Variants in SLC4A4 observed in about 807,000 individuals in gnomAD.
The protein encoded by SLC4A4 is electrogenic sodium bicarbonate cotransporter 1.
In SLC4A4, 27 loss-of-function variants were observed where a neutral mutation model predicts 111.5. The observed-to-expected ratio is 0.24, with a 90% CI of 0.18 to 0.33. SLC4A4 has a LOEUF of 0.33. Among genes scored for constraint, SLC4A4 ranks in the 10% least tolerant of loss-of-function variants. The pLI, the probability that SLC4A4 is intolerant of heterozygous loss-of-function variation, is 1.00. For synonymous variants in SLC4A4, 443 were observed against 463.4 expected, an observed-to-expected ratio of 0.96 and a Z score of 0.57; for missense variants, 909 against 1,315.5, an observed-to-expected ratio of 0.69 and a Z score of 4.78.
At chr4:71,304,192 G>A (rs140479253) in intron 3 of SLC4A4, among the ~76,000 whole-genome samples, 24 of 152,238 alleles carry the variant, frequency 1.6e-4, no homozygotes, top group South Asian at 1.0e-3. Flanking sequence ...ATACATGTGC[G>A]TATATATATT....
chr4:71,419,718 A>G (rs36179360), intron 7 of SLC4A4, among the ~76,000 whole-genome samples: 30,025 of 152,114 alleles, frequency 0.2, 3,311 homozygotes, highest in South Asian at 0.42. Context: ...TGCACCCACT[A>G]TCTGGCACTC....
At chr4:71,315,455 G>A (rs1726605945) in intron 3 of SLC4A4, among the ~76,000 whole-genome samples, 1 of 152,144 alleles carries the variant, frequency 6.6e-6, no homozygotes, top group Admixed American at 6.6e-5. Flanking sequence ...ATGCAAAAGA[G>A]TTGGTCATAC....
intron 18 of SLC4A4, among the ~76,000 whole-genome samples, chr4:71,535,996 C>A (rs931344260): frequency 6.6e-6 from 1 of 152,114 alleles, no homozygotes. Flanking sequence ...TGGAAAATTA[C>A]ATTAAAATGA....
At chr4:71,355,987 GAGGACAAAAGGTC>G (rs1311533236) in intron 5 of SLC4A4, among the ~76,000 whole-genome samples, 6 of 152,216 alleles carry the variant, frequency 3.9e-5, no homozygotes, top group African/African-American at 1.4e-4. Context: ...ATTCTGTGCA[GAGGACAAAAGGTC>G]TACTTGCATA....
intron 15 of SLC4A4, among the ~76,000 whole-genome samples, chr4:71,490,499 T>G (rs1729802077): frequency 6.6e-6 from 1 of 151,770 alleles, no homozygotes; most frequent in Non-Finnish European, 1.5e-5. Flanking sequence ...GCTTTCTTTT[T>G]GGGGGATCTT....
chr4:71,339,530 G>C, intron 4 of SLC4A4, 25 bp downstream of exon 4: 5 of 1,609,294 alleles, frequency 3.1e-6, no homozygotes, highest in Non-Finnish European at 4.2e-6. Flanking sequence ...ACTGTATGTA[G>C]TACTGACCCA....
chr4:71,089,905 C>A (rs1199210596), intron 1 of SLC4A4, among the ~76,000 whole-genome samples: 1 of 124,392 alleles, frequency 8.0e-6, no homozygotes, highest in Non-Finnish European at 1.8e-5. Flanking sequence ...CTGGGAGAAC[C>A]ACTACTCTCT....
intron 12 of SLC4A4, 55 bp downstream of exon 12, chr4:71,453,724 C>T: frequency 6.6e-7 from 1 of 1,520,200 alleles, no homozygotes; most frequent in Non-Finnish European, 9.1e-7. Flanking sequence ...GCCTTCCTCA[C>T]CCCTACAGCT....
In SLC4A4 at chr4:71,534,341, C is replaced by A. The variant is rs1407731399; in HGVS notation, c.2395C>A (p.Gln799Lys). ...LLVTILIFMD[Q>K]QITAVIVNRK... ...GGTCACTATACTGATTTTCATGGAC[C>A]AACAAATTACAGCTGTGATTGTAAA... Residue 799 changes from glutamine to lysine, a missense_variant, in exon 18 of 26, where the codon CAA (glutamine) becomes AAA (lysine). Physicochemically the swap from Gln to Lys is moderately conservative, Grantham distance 53 (BLOSUM62 1). Around this residue, in one of 7 missense-constraint regions of SLC4A4, gnomAD observed 264 missense variants for 356.8 expected, o/e 0.74. Transcript: ENST00000264485. 1 of 1,613,522 alleles carries A rather than the reference C, an allele frequency of 6.2e-7. No individual in the cohort carries two copies.
intron 2 of SLC4A4, among the ~76,000 whole-genome samples, chr4:71,106,205 A>C (rs1188439805): frequency 1.3e-5 from 2 of 151,280 alleles, no homozygotes; most frequent in African/African-American, 4.9e-5. Flanking sequence ...GAGAAATGCA[A>C]ATCTAAACCA....
intron 18 of SLC4A4, among the ~76,000 whole-genome samples, chr4:71,544,872 A>AT (rs897523430): frequency 2.6e-5 from 4 of 151,760 alleles, no homozygotes; most frequent in African/African-American, 7.3e-5. Flanking sequence ...TGAGGGCAAG[A>AT]TTTTTTTTGT....
At chr4:71,486,484 C>A (rs146688174) in intron 14 of SLC4A4, among the ~76,000 whole-genome samples, 1 of 151,374 alleles carries the variant, frequency 6.6e-6, no homozygotes, top group African/African-American at 2.4e-5. Flanking sequence ...GCAAAGATAA[C>A]CTTTCTCATA....
intron 3 of SLC4A4, among the ~76,000 whole-genome samples, chr4:71,316,890 T>C (rs1363098353): frequency 6.6e-6 from 1 of 152,132 alleles, no homozygotes; most frequent in Non-Finnish European, 1.5e-5. Context: ...GATCTCATTC[T>C]ATGAATTTTT....
At chr4:71,359,248 C>T (rs1288023125) in intron 6 of SLC4A4, among the ~76,000 whole-genome samples, 1 of 152,222 alleles carries the variant, frequency 6.6e-6, no homozygotes, top group East Asian at 1.9e-4. Context: ...CCTTTGCCAT[C>T]CATCTTTTCA....
intron 7 of SLC4A4, among the ~76,000 whole-genome samples, chr4:71,410,475 T>C (rs1344130833): frequency 6.6e-6 from 1 of 152,204 alleles, no homozygotes; most frequent in African/African-American, 2.4e-5. Flanking sequence ...GTAACCCCTT[T>C]GTTTTGGCCA....
chr4:71,106,638 C>T (rs1384874335), intron 2 of SLC4A4, among the ~76,000 whole-genome samples: 3 of 145,534 alleles, frequency 2.1e-5, no homozygotes, highest in Admixed American at 6.9e-5. Flanking sequence ...ATGGATGAAA[C>T]TGGAAATCAT....
Position 71,567,080 on chromosome 4 carries a change from C to G in SLC4A4, c.*33C>G. The G allele has an allele frequency of 6.2e-7, 1 of 1,607,490 alleles. No homozygotes were observed. On this transcript the variant is annotated 3_prime_UTR_variant, in exon 25 of 26. Transcript: ENST00000264485. Reference sequence around the variant, plus strand: ...CCTTTCCTTCAGTCACTCGGTATGCCAAGGTAAAGGAGAGCCCAGTATTTT... The same window carrying G: ...CCTTTCCTTCAGTCACTCGGTATGCGAAGGTAAAGGAGAGCCCAGTATTTT...
intron 16 of SLC4A4, among the ~76,000 whole-genome samples, chr4:71,509,630 A>G (rs1731730032): frequency 6.6e-6 from 1 of 152,092 alleles, no homozygotes; most frequent in Admixed American, 6.5e-5. Context: ...CAGAACTGGG[A>G]ACATTTGTGC....
intron 14 of SLC4A4, among the ~76,000 whole-genome samples, chr4:71,474,998 T>C (rs1728228865): frequency 6.6e-6 from 1 of 151,794 alleles, no homozygotes; most frequent in Non-Finnish European, 1.5e-5. Flanking sequence ...CAGTCAGTGC[T>C]TCAGGGAAGT....
Sources: gnomAD v4.1 joint callset for allele counts (sites outside exome capture counted in the v4.1 genomes callset) on GRCh38, gnomAD v4.1.1 for gene constraint, gnomAD v4.1.1 regional missense constraint, MANE v1.5 for transcripts, NCBI Gene and HGNC (gene_info 2026-07-23, HGNC 2026-07-21) for gene names.